FAM171B: variants seen among roughly 807,000 people sequenced by gnomAD.
FAM171B encodes family with sequence similarity 171 member B.
A neutral mutation model predicts 75.6 loss-of-function variants in FAM171B; 19 were observed. The observed-to-expected ratio is 0.25, with a 90% CI of 0.18 to 0.37. The LOEUF (loss-of-function observed/expected upper bound fraction) is 0.37. FAM171B is among the 10% of genes least tolerant of loss of function. The pLI is 1.00. For synonymous variants in FAM171B, 367 were observed against 361.7 expected, an observed-to-expected ratio of 1.01 and a Z score of -0.17; for missense variants, 848 against 982.4, an observed-to-expected ratio of 0.86 and a Z score of 1.83.
Position 186,709,677 on chromosome 2 carries a change from CCT to C in FAM171B, c.238+15271_238+15272del, listed in dbSNP as rs1271549194. 3.9e-5 allele frequency among the ~76,000 whole-genome samples: 6 copies of C among 152,188 alleles called. No homozygotes were observed. In the South Asian group the frequency reaches 1.0e-3, roughly 26 times the overall value. ...AGTTGTGTGTTGATGTCTCCTATAACCTCTCTTTCCCACCTGCACCAGCCTCC... is the reference window on the plus strand; with the variant it reads ...AGTTGTGTGTTGATGTCTCCTATAACCTCTTTCCCACCTGCACCAGCCTCC... On this transcript the variant is annotated intron_variant, in intron 1 of 7. Coordinates refer to ENST00000304698, the MANE Select transcript of FAM171B (RefSeq NM_177454.4).
At chr2:186,733,609 A>G (rs942107230) in intron 1 of FAM171B, among the ~76,000 whole-genome samples, 6 of 152,270 alleles carry the variant, frequency 3.9e-5, no homozygotes, top group South Asian at 4.1e-4. Flanking sequence ...GCCAAGGGTG[A>G]GCCAGGCACA....
chr2:186,721,163 A>G (rs1038598429), intron 1 of FAM171B, among the ~76,000 whole-genome samples: 26 of 152,172 alleles, frequency 1.7e-4, no homozygotes, highest in Non-Finnish European at 8.8e-5. Flanking sequence ...TTGGCTGTGC[A>G]CTAGAATCAT....
At chr2:186,698,005 C>A (rs569444940) in intron 1 of FAM171B, among the ~76,000 whole-genome samples, 9 of 152,180 alleles carry the variant, frequency 5.9e-5, no homozygotes, top group Non-Finnish European at 1.2e-4. Flanking sequence ...TCCATCAAAT[C>A]AATTGTTTTC....
intron 1 of FAM171B, among the ~76,000 whole-genome samples, chr2:186,738,038 A>G (rs573140164): frequency 3.3e-4 from 50 of 152,268 alleles, no homozygotes; most frequent in African/African-American, 1.1e-3. Flanking sequence ...GCTGGCATCT[A>G]GACTAGGGGA....
At position 186,747,248 on chromosome 2, in the gene FAM171B, C is replaced by A; in HGVS notation, c.722C>A (p.Pro241Gln). The change falls in exon 4 of 8, where the codon CCA becomes CAA. Residue 241 changes from proline to glutamine, a missense_variant and splice_region_variant. This residue lies in a region of FAM171B where 665 missense variants were observed against 729.0 expected (regional missense o/e 0.91). Transcript: ENST00000304698. ...ACAACTGGAATTACTCTCAATAAAC[C>A]AGGTATTATCTACTTTTTGTATAAT... is the stretch of plus-strand genomic sequence containing the variant. ...LHTTGITLNKPGFENIELTPL... is the reference protein window; with the variant it reads ...LHTTGITLNKQGFENIELTPL... The A allele has an allele frequency of 3.2e-6, 5 of 1,571,898 alleles. No homozygotes were observed. Among genetic ancestry groups the A allele is most frequent in the Non-Finnish European group, 4.3e-6 (5 of 1,163,938 alleles).
chr2:186,756,040 A>T (rs907998342), intron 6 of FAM171B, among the ~76,000 whole-genome samples: 5 of 152,222 alleles, frequency 3.3e-5, no homozygotes, highest in Non-Finnish European at 7.3e-5. Flanking sequence ...CCTAAGGAGC[A>T]TTTGAGTTTT....
chr2:186,733,819 C>T (rs565917965), intron 1 of FAM171B, among the ~76,000 whole-genome samples: 9 of 152,300 alleles, frequency 5.9e-5, no homozygotes, highest in Non-Finnish European at 8.8e-5. Context: ...CACTGGGGAA[C>T]GCAGTGGCAC....
At chr2:186,741,474 A>G (rs1227506503) in intron 2 of FAM171B, among the ~76,000 whole-genome samples, 2 of 152,148 alleles carry the variant, frequency 1.3e-5, no homozygotes, top group Non-Finnish European at 2.9e-5. Context: ...ATTCATACAA[A>G]TCAATAAGAA....
intron 3 of FAM171B, among the ~76,000 whole-genome samples, chr2:186,744,237 T>C (rs753617645): frequency 3.3e-5 from 5 of 152,202 alleles, no homozygotes; most frequent in African/African-American, 4.8e-5. Flanking sequence ...TGTTTTGTAT[T>C]GGTAAATTCA....
At position 186,743,480 on chromosome 2, in the gene FAM171B, C is replaced by T; in HGVS notation, c.473-3C>T. ...AATATTCTAATTGTGCTATATTTCA[C>T]AGTATATTCATCAGTTACACTTTCA... On this transcript the variant is annotated splice_polypyrimidine_tract_variant and splice_region_variant and intron_variant, in intron 2 of 7. Coordinates refer to ENST00000304698, the MANE Select transcript of FAM171B (RefSeq NM_177454.4). The T allele has an allele frequency of 6.3e-7, 1 of 1,592,592 alleles. No individual in the cohort carries two copies. The highest frequency in any genetic ancestry group is 8.6e-7 in the Non-Finnish European group (1 of 1,161,380).
intron 2 of FAM171B, among the ~76,000 whole-genome samples, chr2:186,741,135 A>G (rs889554942): frequency 2.6e-5 from 4 of 152,254 alleles, no homozygotes; most frequent in African/African-American, 7.2e-5. Context: ...ATAAGATGCC[A>G]TTAGAAATCA....
chr2:186,700,801 G>C (rs1309663913), intron 1 of FAM171B, among the ~76,000 whole-genome samples: 2 of 152,018 alleles, frequency 1.3e-5, no homozygotes, highest in Non-Finnish European at 2.9e-5. Flanking sequence ...AAATGTTTTT[G>C]TTCCCCAATA....
intron 5 of FAM171B, among the ~76,000 whole-genome samples, chr2:186,752,163 G>A (rs1335548903): frequency 6.6e-6 from 1 of 152,180 alleles, no homozygotes; most frequent in African/African-American, 2.4e-5. Flanking sequence ...CACTGTAGTT[G>A]TAGAGTGGAG....
chr2:186,722,572 GAAACAC>G (rs1337468523), intron 1 of FAM171B, among the ~76,000 whole-genome samples: 3 of 152,160 alleles, frequency 2.0e-5, no homozygotes, highest in African/African-American at 7.2e-5. Context: ...TTGAATGCAT[GAAACAC>G]CATGCATTCA....
At chr2:186,742,501 C>T (rs535234941) in intron 2 of FAM171B, among the ~76,000 whole-genome samples, 2 of 152,262 alleles carry the variant, frequency 1.3e-5, no homozygotes, top group South Asian at 4.1e-4. Context: ...TTTCCTTTTA[C>T]TTCCACCCAT....
At chr2:186,712,384 G>A (rs139885871) in intron 1 of FAM171B, among the ~76,000 whole-genome samples, 2 of 152,124 alleles carry the variant, frequency 1.3e-5, no homozygotes, top group Non-Finnish European at 1.5e-5. Context: ...GTGAGAGTAA[G>A]CTCCATGGAC....
chr2:186,717,039 G>A (rs1574100363), intron 1 of FAM171B, among the ~76,000 whole-genome samples: 1 of 152,136 alleles, frequency 6.6e-6, no homozygotes, highest in South Asian at 2.1e-4. Flanking sequence ...TTGCCACGAT[G>A]ATGTGGGTAG....
In FAM171B at chr2:186,740,458, C is replaced by G. The variant is rs1169061998; in HGVS notation, c.469C>G (p.Pro157Ala). 1.2e-6 allele frequency: 2 copies of G among 1,606,046 alleles called. No homozygotes were observed. Among genetic ancestry groups the G allele is most frequent in the Admixed American group, 3.4e-5 (2 of 59,450 alleles). ...TCTGCCTTGGAAAACCAGAAGAATG[C>G]CAAGTAAGCACTTAAACAGTTTTTT... is the stretch of plus-strand genomic sequence containing the variant. The part of the protein sequence containing the change: ...TPLPWKTRRM[P>A]IYSSVTLSLF... The change falls in exon 2 of 8, where the codon CCA becomes GCA. Residue 157 changes from proline (P) to alanine (A), a missense_variant. Pro to Ala is a conservative substitution (Grantham distance 27). Transcript: ENST00000304698.
intron 1 of FAM171B, among the ~76,000 whole-genome samples, chr2:186,701,874 C>G (rs980839192): frequency 6.6e-6 from 1 of 152,170 alleles, no homozygotes; most frequent in African/African-American, 2.4e-5. Context: ...ACTTGATTCT[C>G]TTTCAATGTT....
Sources: gnomAD v4.1 joint callset for allele counts (sites outside exome capture counted in the v4.1 genomes callset) on GRCh38, gnomAD v4.1.1 for gene constraint, gnomAD v4.1.1 regional missense constraint, MANE v1.5 for transcripts, NCBI Gene and HGNC (gene_info 2026-07-23, HGNC 2026-07-21) for gene names.